The following TIGAR variants were observed in gnomAD, a reference collection of about 807,000 sequenced individuals.
The protein encoded by TIGAR is fructose-2,6-bisphosphatase TIGAR.
TIGAR carries 7 observed loss-of-function variants against 17.9 expected under a neutral mutation model. The observed-to-expected ratio is 0.39, with a 90% CI of 0.22 to 0.73. The LOEUF is 0.73. TIGAR is among the 30% of genes least tolerant of loss of function. TIGAR has a pLI of 0.42. For synonymous variants in TIGAR, 94 were observed against 108.6 expected, an observed-to-expected ratio of 0.87 and a Z score of 0.84; for missense variants, 258 against 327.4, an observed-to-expected ratio of 0.79 and a Z score of 1.64.
intron 3 of TIGAR, among the ~76,000 whole-genome samples, chr12:4,343,823 G>C (rs893182824): frequency 5.9e-5 from 9 of 152,146 alleles, no homozygotes; most frequent in Admixed American, 4.6e-4. Context: ...GAAAGAACTA[G>C]AGAAGCAAGA....
chr12:4,330,393 A>G (rs558028921), intron 1 of TIGAR, among the ~76,000 whole-genome samples: 79 of 152,310 alleles, frequency 5.2e-4, no homozygotes, highest in African/African-American at 1.7e-3. Context: ...GTAACCTGCT[A>G]TGACACTGGC....
chr12:4,327,966 G>A lies in TIGAR; in HGVS notation c.33-3314G>A, dbSNP rs531089201. Among the ~76,000 whole-genome samples the A allele has an allele frequency of 1.4e-4, 21 of 151,352 alleles. 1 individual carries two copies. In the South Asian group the frequency reaches 4.0e-3, roughly 29 times the overall value. ...CAGGCATGAGCCACCGCGCCCAGCC[G>A]AGGATGTTACTTATATTGAAATAAC... On this transcript the variant is annotated intron_variant, in intron 1 of 5. Coordinates refer to ENST00000179259, the MANE Select transcript of TIGAR (RefSeq NM_020375.3).
chr12:4,330,171 G>A (rs1864589298), intron 1 of TIGAR, among the ~76,000 whole-genome samples: 1 of 151,972 alleles, frequency 6.6e-6, no homozygotes, highest in African/African-American at 2.4e-5. Context: ...TTTTTTTCTA[G>A]ATCTGAGTAA....
At chr12:4,350,396 A>G (rs993244309) in intron 4 of TIGAR, among the ~76,000 whole-genome samples, 9 of 152,228 alleles carry the variant, frequency 5.9e-5, no homozygotes, top group African/African-American at 1.7e-4. Context: ...TTATAGTCCC[A>G]TGAATGACCT....
intron 4 of TIGAR, 137 bp downstream of exon 4, chr12:4,350,033 A>G (rs1358200923): frequency 1.6e-6 from 1 of 611,334 alleles, no homozygotes; most frequent in Non-Finnish European, 2.8e-6. Flanking sequence ...CTACCATATG[A>G]CAGTCACTGT....
intron 1 of TIGAR, among the ~76,000 whole-genome samples, chr12:4,330,805 G>A (rs969726404): frequency 6.6e-6 from 1 of 152,144 alleles, no homozygotes; most frequent in Non-Finnish European, 1.5e-5. Flanking sequence ...GAAGACCTAG[G>A]AACTAAGAGA....
At chr12:4,325,209 T>A (rs1224617222) in intron 1 of TIGAR, among the ~76,000 whole-genome samples, 1 of 152,066 alleles carries the variant, frequency 6.6e-6, no homozygotes, top group Non-Finnish European at 1.5e-5. Flanking sequence ...CCCAAAGTGT[T>A]GGGATTACAG....
At chr12:4,346,349 C>G (rs1864780223) in intron 3 of TIGAR, among the ~76,000 whole-genome samples, 1 of 152,130 alleles carries the variant, frequency 6.6e-6, no homozygotes, top group Non-Finnish European at 1.5e-5. Flanking sequence ...AGACTTGGAA[C>G]CAACCCAAAT....
chr12:4,345,096 A>G (rs1174423271), intron 3 of TIGAR, among the ~76,000 whole-genome samples: 10 of 152,358 alleles, frequency 6.6e-5, no homozygotes, highest in Admixed American at 3.3e-4. Flanking sequence ...CCACTGCTCA[A>G]TGAAATAAAA....
At chr12:4,326,321 T>C (rs1351636738) in intron 1 of TIGAR, among the ~76,000 whole-genome samples, 22 of 152,250 alleles carry the variant, frequency 1.4e-4, no homozygotes, top group Admixed American at 1.3e-3. Flanking sequence ...AATAGATTAA[T>C]AGTAAAACTG....
intron 3 of TIGAR, among the ~76,000 whole-genome samples, chr12:4,341,811 A>G (rs1380956041): frequency 6.6e-6 from 1 of 152,200 alleles, no homozygotes; most frequent in Non-Finnish European, 1.5e-5. Flanking sequence ...GAAAAACTGA[A>G]AATTCTAAAA....
At chr12:4,346,553 A>G (rs1864782649) in intron 3 of TIGAR, among the ~76,000 whole-genome samples, 1 of 152,070 alleles carries the variant, frequency 6.6e-6, no homozygotes, top group Non-Finnish European at 1.5e-5. Flanking sequence ...GGAATTGAAC[A>G]ATGAGAACAC....
At position 4,349,865 on chromosome 12, in the gene TIGAR, C is replaced by A; in HGVS notation, c.239C>A (p.Thr80Lys). Residue 80 changes from threonine (T) to lysine (K), a missense_variant, in exon 4 of 6, where the codon ACG (threonine) becomes AAG (lysine). Transcript: ENST00000179259. ...LERSKFCKDM[T>K]VKYDSRLRER... is the part of the protein sequence containing the mutation. The stretch of plus-strand genomic sequence containing the variant: ...AGAAGCAAATTTTGCAAAGATATGA[C>A]GGTAAAGTATGACTCAAGACTTCGG... The A allele has an allele frequency of 6.3e-7, 1 of 1,578,424 alleles. No homozygotes were observed. Among genetic ancestry groups the A allele is most frequent in the East Asian group, 2.4e-5 (1 of 41,762 alleles).
At chr12:4,331,353 C>G in intron 2 of TIGAR, 36 bp downstream of exon 2, 1 of 1,592,680 alleles carries the variant, frequency 6.3e-7, no homozygotes, top group Non-Finnish European at 8.6e-7. Flanking sequence ...AGCTCTCACC[C>G]TTGTGTTAAT....
chr12:4,323,452 A>C (rs1864503606), intron 1 of TIGAR, among the ~76,000 whole-genome samples: 1 of 152,230 alleles, frequency 6.6e-6, no homozygotes, highest in African/African-American at 2.4e-5. Flanking sequence ...GGAATCATTT[A>C]AAAAATAAGT....
chr12:4,344,296 G>A (rs1376407620), intron 3 of TIGAR, among the ~76,000 whole-genome samples: 6 of 152,136 alleles, frequency 3.9e-5, no homozygotes, highest in African/African-American at 1.4e-4. Context: ...TCTTCCAGAG[G>A]TACAAGGAGG....
intron 2 of TIGAR, among the ~76,000 whole-genome samples, chr12:4,334,512 C>T (rs1442746041): frequency 6.6e-6 from 1 of 152,128 alleles, no homozygotes; most frequent in Non-Finnish European, 1.5e-5. Context: ...ATTAATATCC[C>T]CTCTTCCAAA....
chr12:4,324,413 T>G lies in TIGAR; in HGVS notation c.32+3110T>G, dbSNP rs1417321002. The G allele has an allele frequency of 6.4e-6, 9 of 1,398,982 alleles. No individual in the cohort carries two copies. The Admixed American group carries it at 1.5e-4, about 23-fold the overall frequency. 86.7% of individuals were successfully genotyped at this position (1,398,982 alleles called of 1,614,324 possible). On this transcript the variant is annotated intron_variant, in intron 1 of 5. Coordinates refer to ENST00000179259, the MANE Select transcript of TIGAR (RefSeq NM_020375.3). The stretch of plus-strand genomic sequence containing the variant: ...AAGCGGGAGGAGTGGGTGGCCCCGA[T>G]GCCGGGCCGGCAGTGCTTCACCAGC...
chr12:4,328,331 A>T (rs1864568460), intron 1 of TIGAR, among the ~76,000 whole-genome samples: 1 of 151,598 alleles, frequency 6.6e-6, no homozygotes, highest in Admixed American at 6.6e-5. Flanking sequence ...AGCTGGGATT[A>T]CAGGTGCCTG....
Sources: gnomAD v4.1 joint callset for allele counts (sites outside exome capture counted in the v4.1 genomes callset) on GRCh38, gnomAD v4.1.1 for gene constraint, MANE v1.5 for transcripts, NCBI Gene and HGNC (gene_info 2026-07-23, HGNC 2026-07-21) for gene names.